The following SLC26A5 variants were observed in gnomAD, a reference collection of about 807,000 sequenced individuals.
SLC26A5 encodes the protein prestin.
A neutral mutation model predicts 81.0 loss-of-function variants in SLC26A5; 51 were observed. The ratio of observed to expected loss-of-function variants is 0.63; its 90% CI spans 0.50 to 0.80. The LOEUF (loss-of-function observed/expected upper bound fraction) is 0.80. Among genes scored for constraint, SLC26A5 ranks in the 30% least tolerant of loss-of-function variants. The pLI is 0.00. For missense variants in SLC26A5, 771 were observed against 905.8 expected (o/e 0.85, Z 1.91); for synonymous variants, 325 against 332.8 (o/e 0.98, Z 0.25).
chr7:103,422,600 A>G (rs971611973), intron 2 of SLC26A5, among the ~76,000 whole-genome samples: 2 of 152,214 alleles, frequency 1.3e-5, no homozygotes, highest in African/African-American at 4.8e-5. Flanking sequence ...GAGACTAAGA[A>G]GGGATAGTAG....
chr7:103,434,684 C>A (rs1226961097), intron 2 of SLC26A5, among the ~76,000 whole-genome samples: 5 of 152,024 alleles, frequency 3.3e-5, no homozygotes, highest in African/African-American at 1.2e-4. Flanking sequence ...CAAAGTCTCA[C>A]TCTATTGCCC....
At chr7:103,362,975 G>A (rs1820501370) in intron 19 of SLC26A5, among the ~76,000 whole-genome samples, 1 of 151,718 alleles carries the variant, frequency 6.6e-6, no homozygotes, top group Admixed American at 6.6e-5. Flanking sequence ...TGTATTTTTA[G>A]TAGAGACGGT....
rs727504456 is a variant in SLC26A5 at position 103,421,426 on chromosome 7, T to C, written c.89A>G (p.Glu30Gly). The C allele has an allele frequency of 3.1e-6, 5 of 1,614,064 alleles. No homozygotes were observed. The highest frequency in any genetic ancestry group is 1.6e-4 in the Middle Eastern group (1 of 6,062). The change falls in exon 3 of 20, where the codon GAA (glutamate) becomes GGA (glycine). Residue 30 changes from glutamate to glycine, a missense_variant. Coordinates refer to ENST00000306312, the MANE Select transcript of SLC26A5 (RefSeq NM_198999.3). ...AACCTTGTCCTTTGTGTGTAGTCTT[T>C]CCTGGAGGACCGGATGACTAAAGAT... is the stretch of plus-strand genomic sequence containing the variant. ...RPIFSHPVLQERLHTKDKVPD... is the reference protein window; with the variant it reads ...RPIFSHPVLQGRLHTKDKVPD...
chr7:103,421,792 G>A (rs1825372921), intron 2 of SLC26A5, among the ~76,000 whole-genome samples: 1 of 152,148 alleles, frequency 6.6e-6, no homozygotes, highest in Admixed American at 6.5e-5. Context: ...GTTAATGTGT[G>A]TACTTTTAAC....
rs187954611 is a variant in SLC26A5 at position 103,405,044 on chromosome 7, G to C, written c.888+2807C>G. On this transcript the variant is annotated intron_variant, in intron 8 of 19. Coordinates refer to ENST00000306312, the MANE Select transcript of SLC26A5 (RefSeq NM_198999.3). Reference sequence around the variant, plus strand: ...TTTTCAGCTCCATCAAGTCATTTATGTTCTTCTCTAAACTGGTTATTCTAG... The same window carrying C: ...TTTTCAGCTCCATCAAGTCATTTATCTTCTTCTCTAAACTGGTTATTCTAG... Among the ~76,000 whole-genome samples, 5 of 152,166 alleles carry C rather than the reference G, an allele frequency of 3.3e-5. No individual in the cohort carries two copies. The East Asian group carries it at 9.6e-4, about 29-fold the overall frequency.
At chr7:103,397,659 G>A (rs1823242116) in intron 9 of SLC26A5, among the ~76,000 whole-genome samples, 2 of 149,988 alleles carry the variant, frequency 1.3e-5, no homozygotes, top group Non-Finnish European at 2.9e-5. Flanking sequence ...GGAGGTTGCA[G>A]TGAGCAGAGA....
chr7:103,359,138 C>CTTTTTTTTTTTTTTTTTTTT (rs35936603), intron 19 of SLC26A5, among the ~76,000 whole-genome samples: 2 of 31,334 alleles, frequency 6.4e-5, no homozygotes, highest in African/African-American at 2.1e-4. Context: ...CCATGTCTGG[C>CTTTTTTTTTTTTTTTTTTTT]TTTTTTTTTT....
chr7:103,438,590 C>T (rs896334391), intron 2 of SLC26A5, among the ~76,000 whole-genome samples: 19 of 151,964 alleles, frequency 1.3e-4, no homozygotes, highest in Admixed American at 3.3e-4. Flanking sequence ...TGACTTCAAG[C>T]GATCCACCCA....
chr7:103,407,300 T>C (rs1421426911), intron 8 of SLC26A5, among the ~76,000 whole-genome samples: 1 of 152,216 alleles, frequency 6.6e-6, no homozygotes, highest in Non-Finnish European at 1.5e-5. Flanking sequence ...ATTCCATGAT[T>C]ACATAATTGT....
intron 2 of SLC26A5, among the ~76,000 whole-genome samples, chr7:103,426,389 T>G (rs1486710457): frequency 1.3e-5 from 2 of 152,224 alleles, no homozygotes; most frequent in Non-Finnish European, 2.9e-5. Context: ...TCAGTTAAAT[T>G]TGCATATTAA....
intron 4 of SLC26A5, among the ~76,000 whole-genome samples, chr7:103,415,919 T>C (rs1824868885): frequency 6.6e-6 from 1 of 152,196 alleles, no homozygotes; most frequent in Non-Finnish European, 1.5e-5. Context: ...CTATTAGATG[T>C]ATGATGGGAC....
chr7:103,378,516 C>A lies in SLC26A5; in HGVS notation c.1715G>T (p.Arg572Ile), dbSNP rs1458334754. ...VNPAVIMGAR[R>I]KAMRKYAKEV... is the part of the protein sequence containing the mutation. ...CTTAGCGTACTTCCGCATGGCCTTT[C>A]TCCTTGCTCCCATGATGACTGCTGG... Residue 572 changes from arginine (R) to isoleucine (I), a missense_variant, in exon 17 of 20, where the codon AGA becomes ATA. Coordinates refer to ENST00000306312, the MANE Select transcript of SLC26A5 (RefSeq NM_198999.3). The A allele has an allele frequency of 6.2e-7, 1 of 1,614,158 alleles. No individual in the cohort carries two copies. Among genetic ancestry groups the A allele is most frequent in the Non-Finnish European group, 8.5e-7 (1 of 1,180,018 alleles).
intron 4 of SLC26A5, 93 bp from the exon 5 acceptor site, chr7:103,413,205 G>T: frequency 1.2e-6 from 1 of 836,294 alleles, no homozygotes; most frequent in Non-Finnish European, 2.0e-6. Context: ...TCTGATGAAC[G>T]AGTGAAGCCC....
At chr7:103,444,383 C>T (rs151231784) in intron 1 of SLC26A5, among the ~76,000 whole-genome samples, 5 of 152,290 alleles carry the variant, frequency 3.3e-5, no homozygotes, top group African/African-American at 1.2e-4. Flanking sequence ...AAAATGCAGA[C>T]TACCTGCAAC....
Position 103,379,275 on chromosome 7 carries a change from T to A in SLC26A5, c.1645A>T (p.Ser549Cys), listed in dbSNP as rs1420848295. Reference sequence around the variant, plus strand: ...TTTAATGCATTGCTATACAAGTCGCTATTTGCATAGTAAATTGGTGCATTT... The same window carrying A: ...TTTAATGCATTGCTATACAAGTCGCAATTTGCATAGTAAATTGGTGCATTT... ...QINAPIYYAN[S>C]DLYSNALKRK... Residue 549 changes from serine to cysteine, a missense_variant, in exon 16 of 20, where the codon AGC becomes TGC. Ser to Cys is a moderately radical substitution (Grantham distance 112, BLOSUM62 -1). Transcript: ENST00000306312. The A allele has an allele frequency of 6.2e-7, 1 of 1,611,854 alleles. No individual in the cohort carries two copies. The highest frequency in any genetic ancestry group is 1.1e-5 in the South Asian group (1 of 91,016).
chr7:103,393,586 TG>T (rs1822852416), intron 9 of SLC26A5, among the ~76,000 whole-genome samples: 1 of 151,866 alleles, frequency 6.6e-6, no homozygotes, highest in Admixed American at 6.6e-5. Context: ...TGTGTGTGTG[TG>T]TGTGTGTGTT....
intron 14 of SLC26A5, among the ~76,000 whole-genome samples, chr7:103,385,156 T>TTTG (rs201951222): frequency 4.2e-4 from 64 of 151,600 alleles, no homozygotes; most frequent in African/African-American, 9.4e-4. Flanking sequence ...TGATTGTCTC[T>TTTG]TTGTTGTTGT....
At chr7:103,445,697 A>G (rs1402919604) in intron 1 of SLC26A5, 1 of 152,392 alleles carries the variant, frequency 6.6e-6, no homozygotes, top group Non-Finnish European at 1.5e-5. Context: ...AAAGAGGGCC[A>G]GAGGCAGAAC....
At chr7:103,419,787 C>G (rs964008516) in intron 4 of SLC26A5, among the ~76,000 whole-genome samples, 2 of 152,142 alleles carry the variant, frequency 1.3e-5, no homozygotes, top group African/African-American at 4.8e-5. Context: ...ATCCACCCAC[C>G]TCAGCCTTCC....
Sources: allele counts gnomAD v4.1 joint callset (sites outside exome capture counted in the v4.1 genomes callset), GRCh38; gene constraint gnomAD v4.1.1; transcripts MANE v1.5; gene names NCBI Gene and HGNC (gene_info 2026-07-23, HGNC 2026-07-21).